GALNT17: variants seen among roughly 807,000 people sequenced by gnomAD.
The protein encoded by GALNT17 is polypeptide N-acetylgalactosaminyltransferase 17, also known as UDP-GalNAc:polypeptide N-acetylgalactosaminyltransferase-like 3.
Under a neutral mutation model 63.7 loss-of-function variants are expected in GALNT17, and 29 were observed. The observed-to-expected ratio is 0.46, with a 90% CI of 0.34 to 0.62. The LOEUF (loss-of-function observed/expected upper bound fraction) is 0.62, where lower values mean the gene tolerates loss of function less well. Among genes scored for constraint, GALNT17 ranks in the 20% least tolerant of loss-of-function variants. The pLI is 0.01. For synonymous variants in GALNT17, 305 were observed against 318.3 expected, an observed-to-expected ratio of 0.96 and a Z score of 0.45; for missense variants, 603 against 799.6, an observed-to-expected ratio of 0.75 and a Z score of 2.97.
intron 1 of GALNT17, among the ~76,000 whole-genome samples, chr7:71,291,298 G>C (rs1273352526): frequency 6.6e-6 from 1 of 151,260 alleles, no homozygotes; most frequent in Non-Finnish European, 1.5e-5. Flanking sequence ...ATCTGTTTTT[G>C]ATCATTTTAT....
intron 1 of GALNT17, among the ~76,000 whole-genome samples, chr7:71,209,743 C>T (rs1403050507): frequency 3.3e-5 from 5 of 151,930 alleles, no homozygotes; most frequent in African/African-American, 4.8e-5. Flanking sequence ...AGGACATACC[C>T]GAGACTGGGA....
chr7:71,650,345 G>A (rs1004208939), intron 6 of GALNT17, among the ~76,000 whole-genome samples: 2 of 152,188 alleles, frequency 1.3e-5, no homozygotes, highest in Non-Finnish European at 2.9e-5. Flanking sequence ...CACCTTCTGG[G>A]TTCAAGTGAT....
At chr7:71,162,752 T>C (rs1788372100) in intron 1 of GALNT17, among the ~76,000 whole-genome samples, 1 of 152,184 alleles carries the variant, frequency 6.6e-6, no homozygotes, top group Non-Finnish European at 1.5e-5. Flanking sequence ...GATGCAAGTG[T>C]GCACAGGATG....
chr7:71,365,461 A>G (rs1044602915), intron 2 of GALNT17, among the ~76,000 whole-genome samples: 14 of 152,112 alleles, frequency 9.2e-5, no homozygotes, highest in Non-Finnish European at 1.2e-4. Context: ...GATGATCTCA[A>G]TCTCTTGACC....
chr7:71,400,571 G>A (rs1274265133), intron 3 of GALNT17, among the ~76,000 whole-genome samples: 4 of 151,938 alleles, frequency 2.6e-5, no homozygotes, highest in South Asian at 2.1e-4. Flanking sequence ...TACAAATATC[G>A]ACAACTATTT....
At chr7:71,606,512 T>C (rs930839474) in intron 6 of GALNT17, among the ~76,000 whole-genome samples, 1 of 152,144 alleles carries the variant, frequency 6.6e-6, no homozygotes, top group African/African-American at 2.4e-5. Context: ...TCTGCTCTTC[T>C]CTTGTGGCAG....
chr7:71,535,619 A>G (rs1180107540), intron 5 of GALNT17, among the ~76,000 whole-genome samples: 2 of 152,232 alleles, frequency 1.3e-5, no homozygotes, highest in African/African-American at 2.4e-5. Context: ...TGTCCAAGCA[A>G]TAAGTCAACT....
intron 5 of GALNT17, among the ~76,000 whole-genome samples, chr7:71,491,228 A>G (rs941090419): frequency 2.6e-5 from 4 of 151,904 alleles, no homozygotes; most frequent in Admixed American, 6.6e-5. Context: ...GAAAAACACA[A>G]CATTTTGCCC....
chr7:71,527,987 T>C (rs1156353414), intron 5 of GALNT17, among the ~76,000 whole-genome samples: 1 of 152,210 alleles, frequency 6.6e-6, no homozygotes, highest in Admixed American at 6.5e-5. Context: ...GTCCAAGTTA[T>C]CAAGGCTGTC....
At chr7:71,612,729 A>T (rs1034605950) in intron 6 of GALNT17, among the ~76,000 whole-genome samples, 1 of 152,198 alleles carries the variant, frequency 6.6e-6, no homozygotes, top group Admixed American at 6.5e-5. Context: ...TTGGTCTGTC[A>T]TGTTGATGGA....
intron 5 of GALNT17, among the ~76,000 whole-genome samples, chr7:71,554,611 C>T (rs991208151): frequency 2.0e-5 from 3 of 152,172 alleles, no homozygotes; most frequent in Non-Finnish European, 2.9e-5. Context: ...CTAAACATCA[C>T]TCCACCATTC....
chr7:71,579,867 A>AAGAG (rs946670452), intron 6 of GALNT17, among the ~76,000 whole-genome samples: 1 of 151,878 alleles, frequency 6.6e-6, no homozygotes, highest in African/African-American at 2.4e-5. Context: ...GGTAGGAAGA[A>AAGAG]AGAGAGAGAG....
chr7:71,571,948 G>C (rs947789226), intron 6 of GALNT17, among the ~76,000 whole-genome samples: 3 of 150,198 alleles, frequency 2.0e-5, no homozygotes, highest in Admixed American at 6.6e-5. Flanking sequence ...GGAGTTCGAG[G>C]CTGCAGTGAG....
chr7:71,320,341 A>G (rs1030590863), intron 1 of GALNT17, among the ~76,000 whole-genome samples: 5 of 151,862 alleles, frequency 3.3e-5, no homozygotes, highest in African/African-American at 9.7e-5. Context: ...GGCTCAAGCA[A>G]TCCTCCTCCC....
At chr7:71,368,926 G>A (rs906775810) in intron 2 of GALNT17, among the ~76,000 whole-genome samples, 2 of 148,222 alleles carry the variant, frequency 1.3e-5, no homozygotes, top group Non-Finnish European at 3.0e-5. Context: ...GGGGGTGGGG[G>A]GGGGTGTTCC....
At chr7:71,260,093 G>A (rs1790359351) in intron 1 of GALNT17, among the ~76,000 whole-genome samples, 1 of 152,124 alleles carries the variant, frequency 6.6e-6, no homozygotes, top group African/African-American at 2.4e-5. Context: ...TGGACTTGGA[G>A]GCCATCCTGG....
intron 1 of GALNT17, among the ~76,000 whole-genome samples, chr7:71,295,163 A>G (rs1329517961): frequency 3.9e-5 from 6 of 152,108 alleles, no homozygotes; most frequent in Non-Finnish European, 8.8e-5. Flanking sequence ...TGCTGGCTTC[A>G]TTTCTCTTCA....
intron 3 of GALNT17, among the ~76,000 whole-genome samples, chr7:71,407,885 A>G (rs930517585): frequency 1.3e-5 from 2 of 152,134 alleles, no homozygotes; most frequent in Admixed American, 1.3e-4. Context: ...GGCAGAAAGC[A>G]TGTTAGTGGT....
intron 5 of GALNT17, among the ~76,000 whole-genome samples, chr7:71,465,712 A>G (rs970850201): frequency 6.6e-6 from 1 of 152,210 alleles, no homozygotes; most frequent in Admixed American, 6.5e-5. Context: ...TTTATTTAAC[A>G]TGTATACATG....
Sources: gnomAD v4.1 joint callset for allele counts (sites outside exome capture counted in the v4.1 genomes callset) on GRCh38, gnomAD v4.1.1 for gene constraint, MANE v1.5 for transcripts, NCBI Gene and HGNC (gene_info 2026-07-23, HGNC 2026-07-21) for gene names.